The following ADAMTSL3 variants were observed in gnomAD, a reference collection of about 807,000 sequenced individuals.
The protein encoded by ADAMTSL3 is ADAMTS-like protein 3.
In ADAMTSL3, 128 loss-of-function variants were observed where a neutral mutation model predicts 201.7. The observed-to-expected ratio is 0.63, with a 90% CI of 0.55 to 0.73. The LOEUF is 0.73. ADAMTSL3 is among the 30% of genes least tolerant of loss of function. ADAMTSL3 has a pLI of 0.00. For missense variants in ADAMTSL3, 1,990 were observed against 2,119.6 expected, an observed-to-expected ratio of 0.94 and a Z score of 1.20; for synonymous variants, 738 against 748.4, an observed-to-expected ratio of 0.99 and a Z score of 0.23.
Position 83,844,979 on chromosome 15 carries a change from C to T in ADAMTSL3, c.727+6764C>T, listed in dbSNP as rs11852612. On this transcript the variant is annotated intron_variant, in intron 7 of 29. Coordinates refer to ENST00000286744, the MANE Select transcript of ADAMTSL3 (RefSeq NM_207517.3). ...CATGTGCTGCCATCTGCTCCTCATT[C>T]CCTAATCCCCAGTTACACTGGCTTT... 8.9e-3 allele frequency among the ~76,000 whole-genome samples: 1,359 copies of T among 152,316 alleles called. 19 individuals carry two copies. Among genetic ancestry groups the T allele is most frequent in the African/African-American group, 0.031 (1,270 of 41,558 alleles).
chr15:83,886,276 A>G (rs2065389360), intron 10 of ADAMTSL3, among the ~76,000 whole-genome samples: 1 of 152,216 alleles, frequency 6.6e-6, no homozygotes, highest in South Asian at 2.1e-4. Context: ...ATGACTTAGT[A>G]GAATAGGGAT....
chr15:83,831,360 T>C (rs200570440), intron 6 of ADAMTSL3, among the ~76,000 whole-genome samples: 1 of 152,182 alleles, frequency 6.6e-6, no homozygotes, highest in East Asian at 1.9e-4. Context: ...ATGATGAGCA[T>C]AAACCCCCTT....
rs758222083 is a variant in ADAMTSL3, at chr15:83,897,938, C to G, written c.1548C>G (p.Cys516Trp). ...INHRGEHVGG[C>W]NPQLKLHIKE... ...ACCGCGGAGAGCATGTTGGGGGCTG[C>G]AATCCACAACTGAAGTTACACATCA... Residue 516 changes from cysteine (C) to tryptophan (W), a missense_variant, in exon 14 of 30, where the codon TGC becomes TGG. Coordinates refer to ENST00000286744, the MANE Select transcript of ADAMTSL3 (RefSeq NM_207517.3). 1.2e-6 allele frequency: 2 copies of G among 1,613,934 alleles called. No homozygotes were observed. Among genetic ancestry groups the G allele is most frequent in the Non-Finnish European group, 1.7e-6 (2 of 1,179,850 alleles).
At chr15:83,815,606 G>A (rs1290143410) in intron 5 of ADAMTSL3, among the ~76,000 whole-genome samples, 2 of 152,218 alleles carry the variant, frequency 1.3e-5, no homozygotes, top group African/African-American at 2.4e-5. Context: ...CTTGTCTTGA[G>A]CTGGGACATG....
At chr15:83,777,162 A>T (rs1567137827) in intron 4 of ADAMTSL3, among the ~76,000 whole-genome samples, 1 of 152,154 alleles carries the variant, frequency 6.6e-6, no homozygotes, top group Non-Finnish European at 1.5e-5. Flanking sequence ...GACTGAACAC[A>T]CAGTCACCAA....
intron 2 of ADAMTSL3, among the ~76,000 whole-genome samples, chr15:83,692,190 C>A (rs1432563212): frequency 1.3e-5 from 2 of 151,324 alleles, no homozygotes; most frequent in Non-Finnish European, 2.9e-5. Flanking sequence ...GGCTTTGTTA[C>A]CATTGTATTG....
chr15:84,037,248 T>C (rs895971020), intron 29 of ADAMTSL3, among the ~76,000 whole-genome samples: 1 of 152,210 alleles, frequency 6.6e-6, no homozygotes, highest in African/African-American at 2.4e-5. Context: ...CGACAAGCAC[T>C]GTCAGTCTCT....
intron 6 of ADAMTSL3, among the ~76,000 whole-genome samples, chr15:83,822,741 T>C (rs1273069200): frequency 1.4e-5 from 2 of 145,386 alleles, no homozygotes; most frequent in Non-Finnish European, 3.0e-5. Flanking sequence ...GCTCCTCACG[T>C]CCCAGACGAT....
chr15:84,023,977 C>G (rs192840831), intron 26 of ADAMTSL3, among the ~76,000 whole-genome samples: 4 of 152,178 alleles, frequency 2.6e-5, no homozygotes, highest in Admixed American at 6.5e-5. Flanking sequence ...GATATATCGC[C>G]GGGCGCAGTG....
chr15:83,961,941 T>G (rs558626464), intron 19 of ADAMTSL3: 1 of 152,284 alleles, frequency 6.6e-6, no homozygotes, highest in Non-Finnish European at 1.5e-5. Flanking sequence ...TTTGGAGAGA[T>G]GAGGTAGATG....
chr15:84,017,064 G>A (rs771877088), intron 25 of ADAMTSL3, among the ~76,000 whole-genome samples: 21 of 152,078 alleles, frequency 1.4e-4, no homozygotes, highest in African/African-American at 2.2e-4. Flanking sequence ...TGGGTAAATC[G>A]CAGAAGGACA....
At chr15:83,811,029 G>A (rs556483820) in intron 5 of ADAMTSL3, among the ~76,000 whole-genome samples, 264 of 152,136 alleles carry the variant, frequency 1.7e-3, no homozygotes, top group African/African-American at 6.0e-3. Flanking sequence ...ATGAGCCACC[G>A]CACCCAGACT....
In ADAMTSL3 at chr15:83,980,555, T is replaced by C. The variant is rs11635589; in HGVS notation, c.2645-1718T>C. On this transcript the variant is annotated intron_variant, in intron 20 of 29. Transcript: ENST00000286744. ...TGGGCCATTTGACATACTTTGTAGA[T>C]ACTCTGTCTCCCAAAAAGTAAAAGT... Among the ~76,000 whole-genome samples the C allele has an allele frequency of 3.5e-3, 534 of 152,240 alleles. 2 individuals are homozygous for C. Among genetic ancestry groups the C allele is most frequent in the Non-Finnish European group, 5.7e-3 (388 of 68,022 alleles).
intron 7 of ADAMTSL3, among the ~76,000 whole-genome samples, chr15:83,838,797 A>G (rs1285048692): frequency 1.3e-5 from 2 of 152,196 alleles, no homozygotes; most frequent in Non-Finnish European, 2.9e-5. Flanking sequence ...TTTTCATTTT[A>G]ATAATATCTG....
intron 7 of ADAMTSL3, among the ~76,000 whole-genome samples, chr15:83,845,177 T>A (rs190665017): frequency 6.6e-5 from 10 of 152,374 alleles, no homozygotes; most frequent in Admixed American, 5.9e-4. Context: ...CTACGTAAAG[T>A]AGGCCCTTCT....
chr15:83,871,391 G>A (rs1238890902), intron 9 of ADAMTSL3, among the ~76,000 whole-genome samples: 2 of 152,108 alleles, frequency 1.3e-5, no homozygotes, highest in African/African-American at 2.4e-5. Flanking sequence ...TGGTGAAAAC[G>A]GCCGATGGTT....
At chr15:83,827,954 T>C (rs2064062623) in intron 6 of ADAMTSL3, among the ~76,000 whole-genome samples, 2 of 152,236 alleles carry the variant, frequency 1.3e-5, no homozygotes, top group South Asian at 4.1e-4. Context: ...GGTAACGTGA[T>C]GCCTCCAGCT....
chr15:84,025,886 T>C (rs1429748385), intron 27 of ADAMTSL3, among the ~76,000 whole-genome samples: 1 of 152,192 alleles, frequency 6.6e-6, no homozygotes, highest in Non-Finnish European at 1.5e-5. Flanking sequence ...CACATAAAAG[T>C]TGAGCAAATA....
intron 3 of ADAMTSL3, among the ~76,000 whole-genome samples, chr15:83,763,762 C>T (rs934867252): frequency 7.2e-5 from 11 of 152,190 alleles, no homozygotes; most frequent in African/African-American, 2.4e-4. Context: ...GCCTTGGCCT[C>T]CCAAAGTGCT....
Sources: allele counts gnomAD v4.1 joint callset (sites outside exome capture counted in the v4.1 genomes callset), GRCh38; gene constraint gnomAD v4.1.1; transcripts MANE v1.5; gene names NCBI Gene and HGNC (gene_info 2026-07-23, HGNC 2026-07-21).